The following SLIT2 variants were observed in gnomAD, a reference collection of about 807,000 sequenced individuals.
The protein encoded by SLIT2 is slit guidance ligand 2, also known as slit homolog 2 protein.
In SLIT2, 41 loss-of-function variants were observed where a neutral mutation model predicts 185.7. That is an observed-to-expected ratio of 0.22 (90% CI 0.17 to 0.29). The LOEUF is 0.29. SLIT2 is among the 10% of genes least tolerant of loss of function. The pLI, the probability that SLIT2 is intolerant of heterozygous loss-of-function variation, is 1.00. For missense variants in SLIT2, 1,571 were observed against 1,909.0 expected, an observed-to-expected ratio of 0.82 and a Z score of 3.30; for synonymous variants, 693 against 680.2, an observed-to-expected ratio of 1.02 and a Z score of -0.29.
At chr4:20,499,438 T>C (rs1718508243) in intron 9 of SLIT2, among the ~76,000 whole-genome samples, 1 of 152,194 alleles carries the variant, frequency 6.6e-6, no homozygotes, top group Non-Finnish European at 1.5e-5. Flanking sequence ...ATTTATTAAA[T>C]AATACTCAAT....
chr4:20,351,144 G>A (rs983617355), intron 4 of SLIT2, among the ~76,000 whole-genome samples: 7 of 151,816 alleles, frequency 4.6e-5, no homozygotes, highest in Admixed American at 2.0e-4. Context: ...CGCCTCCTGG[G>A]TTCAAGCAAT....
chr4:20,460,508 T>G (rs1451806472), intron 4 of SLIT2, among the ~76,000 whole-genome samples: 1 of 152,214 alleles, frequency 6.6e-6, no homozygotes, highest in Non-Finnish European at 1.5e-5. Context: ...TCTTAGCGTT[T>G]GTCAGGAATA....
At chr4:20,454,144 A>G (rs992752037) in intron 4 of SLIT2, among the ~76,000 whole-genome samples, 4 of 152,204 alleles carry the variant, frequency 2.6e-5, no homozygotes, top group Non-Finnish European at 5.9e-5. Context: ...CACTTCTCCC[A>G]AGGCTTCAAA....
intron 16 of SLIT2, 40 bp from the exon 17 acceptor site, chr4:20,531,944 A>C (rs183201631): frequency 9.3e-7 from 1 of 1,073,000 alleles, no homozygotes; most frequent in Non-Finnish European, 1.4e-6. Flanking sequence ...TTTCCTAACT[A>C]TTGGTAATAA....
At chr4:20,442,356 A>G (rs936033959) in intron 4 of SLIT2, among the ~76,000 whole-genome samples, 2 of 152,002 alleles carry the variant, frequency 1.3e-5, no homozygotes, top group East Asian at 3.9e-4. Flanking sequence ...TGTCCCTACT[A>G]AAAATACACA....
chr4:20,596,523 AAT>A lies in SLIT2; in HGVS notation c.3432_3433del (p.Ile1144MetfsTer13), dbSNP rs1458738823. The A allele has an allele frequency of 6.2e-7, 1 of 1,614,024 alleles. No homozygotes were observed. ...AGTGTATCGTCAGAATAAATGAGCC[AAT>A]ATGTCAGTGTTTGCCTGGCTATCAG... is the stretch of plus-strand genomic sequence containing the variant. ...AQCIVRINEP[I>X]CQCLPGYQGE... On this transcript the variant is annotated frameshift_variant, in exon 32 of 37. Coordinates refer to ENST00000504154, the MANE Select transcript of SLIT2 (RefSeq NM_004787.4). LOFTEE classifies it high-confidence loss of function.
At position 20,251,995 on chromosome 4, in the gene SLIT2, A is replaced by T. The variant is rs377519735; in HGVS notation, c.-1821A>T. Among the ~76,000 whole-genome samples the T allele has an allele frequency of 1.3e-5, 2 of 150,786 alleles. No homozygotes were observed. The highest frequency in any genetic ancestry group is 2.9e-5 in the Non-Finnish European group (2 of 67,880). ...GCCGCAGACTGTGGTTAAAAAAAAG[A>T]AGGCGGCGGCGGCGGCGGCGGCGGA... On this transcript the variant is annotated 5_prime_UTR_variant, in exon 1 of 37. Coordinates refer to ENST00000504154, the MANE Select transcript of SLIT2 (RefSeq NM_004787.4).
chr4:20,369,848 G>A (rs926141500), intron 4 of SLIT2, among the ~76,000 whole-genome samples: 2 of 152,056 alleles, frequency 1.3e-5, no homozygotes, highest in South Asian at 4.1e-4. Flanking sequence ...TTGCCTGAAG[G>A]TCTTTGATAT....
At chr4:20,590,498 G>GC (rs1369846586) in intron 30 of SLIT2, among the ~76,000 whole-genome samples, 3 of 152,176 alleles carry the variant, frequency 2.0e-5, no homozygotes, top group Non-Finnish European at 4.4e-5. Context: ...ATCTCAGGCT[G>GC]CCCCAGGGAG....
intron 4 of SLIT2, among the ~76,000 whole-genome samples, chr4:20,324,105 A>G (rs1719336178): frequency 6.6e-6 from 1 of 152,154 alleles, no homozygotes; most frequent in Non-Finnish European, 1.5e-5. Flanking sequence ...GGCGAAACAG[A>G]GCTTGCTGAA....
chr4:20,501,226 T>TA (rs1718701659), intron 9 of SLIT2, among the ~76,000 whole-genome samples: 1 of 152,184 alleles, frequency 6.6e-6, no homozygotes, highest in Non-Finnish European at 1.5e-5. Flanking sequence ...AGCACCTCAT[T>TA]ACTCAGCATA....
intron 29 of SLIT2, 108 bp downstream of exon 29, chr4:20,569,112 T>C (rs1052184339): frequency 1.1e-6 from 1 of 934,274 alleles, no homozygotes; most frequent in Non-Finnish European, 1.7e-6. Flanking sequence ...TGATAAATGG[T>C]AGGTGTCTTG....
At chr4:20,596,972 G>GCA (rs1453133061) in intron 32 of SLIT2, among the ~76,000 whole-genome samples, 2 of 152,066 alleles carry the variant, frequency 1.3e-5, no homozygotes, top group African/African-American at 4.8e-5. Context: ...GCCTCTGCAT[G>GCA]GGGGAGGCTT....
At chr4:20,340,682 G>A (rs1720889687) in intron 4 of SLIT2, among the ~76,000 whole-genome samples, 1 of 152,128 alleles carries the variant, frequency 6.6e-6, no homozygotes, top group South Asian at 2.1e-4. Context: ...TCCACTGCGA[G>A]CTCCGCCTTC....
intron 9 of SLIT2, among the ~76,000 whole-genome samples, chr4:20,505,815 G>A (rs1004452126): frequency 1.4e-4 from 22 of 152,110 alleles, no homozygotes; most frequent in Admixed American, 1.1e-3. Context: ...ACACCAGAAC[G>A]TGTTATATAT....
intron 4 of SLIT2, among the ~76,000 whole-genome samples, chr4:20,308,362 G>A (rs1717774700): frequency 6.6e-6 from 1 of 152,168 alleles, no homozygotes; most frequent in South Asian, 2.1e-4. Flanking sequence ...GTAACCTGAT[G>A]TATTAAATCA....
At chr4:20,502,439 C>G (rs1248989865) in intron 9 of SLIT2, among the ~76,000 whole-genome samples, 1 of 152,168 alleles carries the variant, frequency 6.6e-6, no homozygotes, top group African/African-American at 2.4e-5. Context: ...TGAAAGGGGA[C>G]AGTCTCAACC....
chr4:20,452,626 G>T (rs1006802645), intron 4 of SLIT2, among the ~76,000 whole-genome samples: 1 of 151,490 alleles, frequency 6.6e-6, no homozygotes, highest in Non-Finnish European at 1.5e-5. Context: ...TTTGTCTTTT[G>T]TTTCCTAGGA....
chr4:20,548,420 C>T (rs900339058), intron 22 of SLIT2, 68 bp from the exon 23 acceptor site: 7 of 809,530 alleles, frequency 8.6e-6, no homozygotes, highest in African/African-American at 6.8e-5. Context: ...GACCCTTCTC[C>T]TTCTAAGAAT....
Sources: gnomAD v4.1 joint callset for allele counts (sites outside exome capture counted in the v4.1 genomes callset) on GRCh38, gnomAD v4.1.1 for gene constraint, MANE v1.5 for transcripts, NCBI Gene and HGNC (gene_info 2026-07-23, HGNC 2026-07-21) for gene names.